The following GATB variants were observed in gnomAD, a reference collection of about 807,000 sequenced individuals.
The protein encoded by GATB is glutamyl-tRNA amidotransferase subunit B, also known as glutamyl-tRNA(Gln) amidotransferase subunit B, mitochondrial.
In GATB, 39 loss-of-function variants were observed where a neutral mutation model predicts 62.3. The ratio of observed to expected loss-of-function variants is 0.63; its 90% CI spans 0.48 to 0.82. GATB has a LOEUF of 0.82. Among genes scored for constraint, GATB ranks in the 40% least tolerant of loss-of-function variants. The pLI, the probability that GATB is intolerant of heterozygous loss-of-function variation, is 0.00. For synonymous variants in GATB, 276 were observed against 258.9 expected (o/e 1.07, Z -0.63); for missense variants, 670 against 684.0 (o/e 0.98, Z 0.23).
chr4:151,701,394 T>C lies in GATB; in HGVS notation c.1132A>G (p.Ser378Gly). 4 of 1,603,908 alleles carry C rather than the reference T, an allele frequency of 2.5e-6. No individual in the cohort carries two copies. Among genetic ancestry groups the C allele is most frequent in the Non-Finnish European group, 2.6e-6 (3 of 1,175,012 alleles). The change falls in exon 9 of 13, where the codon AGT (serine) becomes GGT (glycine). Residue 378 changes from serine (S) to glycine (G), a missense_variant. Ser to Gly is a moderately conservative substitution (Grantham distance 56). Transcript: ENST00000263985. ...TGGACAAGCTTCTCTCGGGTCACAC[T>C]GGGGAGCTCCGGGAGTGTCTCCCGA... The part of the protein sequence containing the change: ...QIRETLPELP[S>G]VTREKLVQQY...
At chr4:151,734,655 G>A (rs1333652701) in intron 2 of GATB, among the ~76,000 whole-genome samples, 2 of 152,092 alleles carry the variant, frequency 1.3e-5, no homozygotes, top group Non-Finnish European at 2.9e-5. Context: ...AACAAATCTG[G>A]AGGCATCACA....
intron 2 of GATB, chr4:151,721,567 A>G (rs1374237812): frequency 6.6e-6 from 1 of 152,370 alleles, no homozygotes; most frequent in African/African-American, 2.4e-5. Context: ...GTCCAGGCAC[A>G]CAGAACATGA....
At chr4:151,702,831 G>A (rs999586864) in intron 8 of GATB, among the ~76,000 whole-genome samples, 1 of 152,120 alleles carries the variant, frequency 6.6e-6, no homozygotes, top group Non-Finnish European at 1.5e-5. Context: ...AAGAAGTGGT[G>A]GTTTGGAGGG....
At chr4:151,745,548 C>G (rs1178869987) in intron 2 of GATB, among the ~76,000 whole-genome samples, 1 of 152,210 alleles carries the variant, frequency 6.6e-6, no homozygotes, top group Admixed American at 6.5e-5. Flanking sequence ...ATCACTATTT[C>G]TTCAGGGAGG....
intron 10 of GATB, among the ~76,000 whole-genome samples, chr4:151,681,695 C>T (rs147300072): frequency 6.6e-6 from 1 of 152,250 alleles, no homozygotes; most frequent in African/African-American, 2.4e-5. Context: ...AGGTTAGTAC[C>T]AAAGACGACA....
intron 2 of GATB, among the ~76,000 whole-genome samples, chr4:151,732,668 G>T (rs1460343785): frequency 6.8e-6 from 1 of 146,464 alleles, no homozygotes; most frequent in African/African-American, 2.5e-5. Context: ...ATTGTCCTAT[G>T]ACCCTGCCAA....
chr4:151,727,299 G>T (rs1351955244), intron 2 of GATB, among the ~76,000 whole-genome samples: 1 of 152,194 alleles, frequency 6.6e-6, no homozygotes, highest in African/African-American at 2.4e-5. Flanking sequence ...GGACAGAAAA[G>T]TCTTTGGCCT....
At chr4:151,685,159 T>C (rs1204615759) in intron 10 of GATB, among the ~76,000 whole-genome samples, 1 of 152,174 alleles carries the variant, frequency 6.6e-6, no homozygotes, top group African/African-American at 2.4e-5. Flanking sequence ...GCTAAGAAAT[T>C]TCTATTTCCT....
Position 151,717,247 on chromosome 4 carries a change from C to T in GATB, c.442-173G>A, listed in dbSNP as rs1431457257. 5 of 621,868 alleles carry T rather than the reference C, an allele frequency of 8.0e-6. No individual in the cohort carries two copies. In the Admixed American group the frequency reaches 8.6e-5, roughly 11 times the overall value. The allele number at this position is 621,868 out of a possible 1,614,324, so 38.5% of individuals were successfully genotyped here. A position where few individuals can be genotyped will look rare whatever the true frequency, so the allele number is the denominator to read the frequency against. On this transcript the variant is annotated intron_variant, in intron 3 of 12. Transcript: ENST00000263985. The stretch of plus-strand genomic sequence containing the variant: ...TTGCTGCATTGCAGCCATCATTGAG[C>T]CTGGTCTCTTCTGCCCCTGCCATCA...
chr4:151,730,211 G>C lies in GATB; in HGVS notation c.328-10673C>G, dbSNP rs1232047051. ...GCAGAGGCAGCCATAAATCCTCCTA[G>C]GCACACAACTCCAGTGACCTGGGAA... is the stretch of plus-strand genomic sequence containing the variant. On this transcript the variant is annotated intron_variant, in intron 2 of 12. Transcript: ENST00000263985. The surrounding 1 kb of genome is among the most constrained non-coding windows in gnomAD (Gnocchi z 4.1). Among the ~76,000 whole-genome samples, 1 of 152,086 alleles carries C rather than the reference G, an allele frequency of 6.6e-6. No individual in the cohort carries two copies. The highest frequency in any genetic ancestry group is 6.5e-5 in the Admixed American group (1 of 15,270).
At position 151,697,949 on chromosome 4, in the gene GATB, G is replaced by GTGTATATATATATATA. The variant is rs1560847636; in HGVS notation, c.1197+3379_1197+3380insTATATATATATATACA. ...CGATTTCATATATATGTGTGTGTGTGTGTGTATATATATATATATATATAT... is the reference window on the plus strand; with the variant it reads ...CGATTTCATATATATGTGTGTGTGTGTGTATATATATATATATGTGTATATATATATATATATATAT... On this transcript the variant is annotated intron_variant, in intron 9 of 12. Coordinates refer to ENST00000263985, the MANE Select transcript of GATB (RefSeq NM_004564.3). 2.0e-3 allele frequency among the ~76,000 whole-genome samples: 191 copies of GTGTATATATATATATA among 96,936 alleles called. 13 individuals are homozygous for GTGTATATATATATATA. Among genetic ancestry groups the GTGTATATATATATATA allele is most frequent in the African/African-American group, 0.012 (181 of 15,252 alleles). 63.6% of individuals were successfully genotyped at this position (96,936 alleles called of 152,430 possible).
intron 2 of GATB, among the ~76,000 whole-genome samples, chr4:151,724,894 A>G (rs1739105507): frequency 6.6e-6 from 1 of 152,182 alleles, no homozygotes; most frequent in South Asian, 2.1e-4. Context: ...GAGATAATGA[A>G]TAATTTAACA....
chr4:151,686,224 G>T (rs967267169), intron 10 of GATB, among the ~76,000 whole-genome samples: 3 of 152,040 alleles, frequency 2.0e-5, no homozygotes, highest in African/African-American at 7.3e-5. Context: ...AGCTCTCTGA[G>T]GCACGTCCTG....
chr4:151,705,198 G>C lies in GATB; in HGVS notation c.949C>G (p.His317Asp). 1 of 1,612,484 alleles carries C rather than the reference G, an allele frequency of 6.2e-7. No individual in the cohort carries two copies. Among genetic ancestry groups the C allele is most frequent in the East Asian group, 2.2e-5 (1 of 44,850 alleles). ...GEILNETRSFHHKLGCTMSMR... is the reference protein window; with the variant it reads ...GEILNETRSFDHKLGCTMSMR... ...ATGCGAACTCACCCCAGCTTGTGATGAAATGAGCGTGTTTCGTTCAGAATT... is the reference window on the plus strand; with the variant it reads ...ATGCGAACTCACCCCAGCTTGTGATCAAATGAGCGTGTTTCGTTCAGAATT... Residue 317 changes from histidine (H) to aspartate (D), a missense_variant, in exon 7 of 13, where the codon CAT becomes GAT. By Grantham distance (81) the His-to-Asp change is moderately conservative. Transcript: ENST00000263985.
At chr4:151,717,701 A>G (rs975029509) in intron 3 of GATB, among the ~76,000 whole-genome samples, 1 of 152,188 alleles carries the variant, frequency 6.6e-6, no homozygotes, top group African/African-American at 2.4e-5. Flanking sequence ...TGGATCCTGC[A>G]AGGATCCCTC....
chr4:151,685,408 C>T (rs1243677055), intron 10 of GATB, among the ~76,000 whole-genome samples: 1 of 152,182 alleles, frequency 6.6e-6, no homozygotes, highest in Non-Finnish European at 1.5e-5. Flanking sequence ...GGGCTCTGCA[C>T]CTGATGGGTT....
chr4:151,716,803 G>C, intron 4 of GATB, 73 bp downstream of exon 4: 1 of 1,369,906 alleles, frequency 7.3e-7, no homozygotes, highest in Non-Finnish European at 1.0e-6. Context: ...GAAAACTCTA[G>C]CGGTGAAAAG....
intron 9 of GATB, among the ~76,000 whole-genome samples, chr4:151,693,657 T>C (rs1370144918): frequency 6.6e-6 from 1 of 152,172 alleles, no homozygotes; most frequent in Non-Finnish European, 1.5e-5. Context: ...TCCAGGGTCC[T>C]GTTTTGGTGC....
intron 2 of GATB, among the ~76,000 whole-genome samples, chr4:151,728,492 G>A (rs1342296847): frequency 6.6e-6 from 1 of 152,100 alleles, no homozygotes; most frequent in African/African-American, 2.4e-5. Flanking sequence ...CTTCAACTCT[G>A]AATATTTGTC....
Sources: allele counts gnomAD v4.1 joint callset (sites outside exome capture counted in the v4.1 genomes callset), GRCh38; gene constraint gnomAD v4.1.1; non-coding constraint Gnocchi (gnomAD v3.1); transcripts MANE v1.5; gene names NCBI Gene and HGNC (gene_info 2026-07-23, HGNC 2026-07-21).